RCAN2: variants seen among roughly 807,000 people sequenced by gnomAD.
RCAN2 encodes regulator of calcineurin 2.
RCAN2 carries 9 observed loss-of-function variants against 23.6 expected under a neutral mutation model. The observed-to-expected ratio is 0.38, with a 90% CI of 0.23 to 0.67. The LOEUF (loss-of-function observed/expected upper bound fraction) is 0.67, where lower values mean the gene tolerates loss of function less well. RCAN2 is among the 30% of genes least tolerant of loss of function. RCAN2 has a pLI of 0.51. For missense variants in RCAN2, 273 were observed against 302.3 expected (o/e 0.90, Z 0.72); for synonymous variants, 109 against 115.7 (o/e 0.94, Z 0.37).
At chr6:46,282,406 C>T (rs1376636030) in intron 2 of RCAN2, among the ~76,000 whole-genome samples, 1 of 151,820 alleles carries the variant, frequency 6.6e-6, no homozygotes, top group Non-Finnish European at 1.5e-5. Context: ...AAAAATTAGC[C>T]GGCTGTGGTG....
chr6:46,407,199 G>T (rs758183791), intron 2 of RCAN2, among the ~76,000 whole-genome samples: 37 of 152,186 alleles, frequency 2.4e-4, no homozygotes, highest in Non-Finnish European at 4.7e-4. Context: ...ATAAAAATCA[G>T]CACACAGAAA....
chr6:46,419,103 G>A (rs2150411339), intron 2 of RCAN2, among the ~76,000 whole-genome samples: 1 of 152,250 alleles, frequency 6.6e-6, no homozygotes, highest in South Asian at 2.1e-4. Context: ...GGCATATGGT[G>A]AAAATACGAC....
chr6:46,294,649 C>T (rs367666263), intron 2 of RCAN2, among the ~76,000 whole-genome samples: 19 of 152,032 alleles, frequency 1.2e-4, no homozygotes, highest in African/African-American at 3.6e-4. Flanking sequence ...TGGGATAATG[C>T]CTTATGTGTT....
intron 1 of RCAN2, among the ~76,000 whole-genome samples, chr6:46,458,009 T>A (rs1418368444): frequency 6.6e-6 from 1 of 152,220 alleles, no homozygotes; most frequent in Non-Finnish European, 1.5e-5. Context: ...ATGACTGTGA[T>A]ACTATTCTGC....
chr6:46,335,284 A>T (rs1328111541), intron 2 of RCAN2, among the ~76,000 whole-genome samples: 3 of 152,190 alleles, frequency 2.0e-5, no homozygotes, highest in African/African-American at 7.2e-5. Context: ...CCTCATTTTC[A>T]GTCACTTTGG....
At chr6:46,304,624 G>A (rs954684552) in intron 2 of RCAN2, among the ~76,000 whole-genome samples, 4 of 152,110 alleles carry the variant, frequency 2.6e-5, no homozygotes, top group African/African-American at 7.2e-5. Context: ...AAGATGTGGA[G>A]GGGTCGGAAT....
chr6:46,471,434 G>A (rs771820183), intron 1 of RCAN2, among the ~76,000 whole-genome samples: 18 of 152,288 alleles, frequency 1.2e-4, no homozygotes, highest in African/African-American at 3.8e-4. Context: ...TAATGTACAC[G>A]TGGTATTTGC....
intron 2 of RCAN2, among the ~76,000 whole-genome samples, chr6:46,306,341 C>T (rs752219771): frequency 5.9e-5 from 9 of 152,148 alleles, no homozygotes; most frequent in African/African-American, 1.2e-4. Flanking sequence ...GATGACCCAC[C>T]AGCACTTCTA....
At chr6:46,393,615 G>T (rs994791434) in intron 2 of RCAN2, among the ~76,000 whole-genome samples, 2 of 152,150 alleles carry the variant, frequency 1.3e-5, no homozygotes, top group African/African-American at 4.8e-5. Context: ...TATTACCAGA[G>T]AAATAAACAA....
intron 1 of RCAN2, among the ~76,000 whole-genome samples, chr6:46,479,739 T>C (rs973341313): frequency 3.9e-5 from 6 of 151,974 alleles, no homozygotes; most frequent in African/African-American, 2.4e-5. Flanking sequence ...CTCACCTCCA[T>C]GCCTGGCTAA....
chr6:46,423,347 C>A lies in RCAN2; in HGVS notation c.225+33405G>T, dbSNP rs542470664. 6.6e-5 allele frequency among the ~76,000 whole-genome samples: 10 copies of A among 152,270 alleles called. No homozygotes were observed. The East Asian group carries it at 1.7e-3, about 26-fold the overall frequency. On this transcript the variant is annotated intron_variant, in intron 2 of 4. Transcript: ENST00000371374. ...AACCCAGGACTCTAGATGGCCAATC[C>A]TATAGTGTTTGTATTTTACACTTTT...
At chr6:46,359,754 T>C (rs1764945689) in intron 2 of RCAN2, among the ~76,000 whole-genome samples, 1 of 152,198 alleles carries the variant, frequency 6.6e-6, no homozygotes, top group African/African-American at 2.4e-5. Flanking sequence ...AATATTAACA[T>C]GTATTAAGCA....
chr6:46,372,979 C>G (rs1016886772), intron 2 of RCAN2, among the ~76,000 whole-genome samples: 1 of 152,134 alleles, frequency 6.6e-6, no homozygotes, highest in South Asian at 2.1e-4. Flanking sequence ...AAATGACATT[C>G]GTAGTGAATA....
intron 2 of RCAN2, among the ~76,000 whole-genome samples, chr6:46,357,294 AC>A (rs1315505731): frequency 6.6e-6 from 1 of 152,226 alleles, no homozygotes; most frequent in Non-Finnish European, 1.5e-5. Context: ...CAGTAATCAG[AC>A]CCGATAGAAG....
chr6:46,250,942 A>G (rs1766691233), intron 2 of RCAN2, among the ~76,000 whole-genome samples: 5 of 152,050 alleles, frequency 3.3e-5, no homozygotes, highest in Admixed American at 1.3e-4. Context: ...CATTTCTGAG[A>G]ATCCCCAGGC....
At chr6:46,330,185 T>C (rs1280466435) in intron 2 of RCAN2, among the ~76,000 whole-genome samples, 1 of 152,230 alleles carries the variant, frequency 6.6e-6, no homozygotes, top group Non-Finnish European at 1.5e-5. Flanking sequence ...TCCTCTCTGC[T>C]AGTCACTCTC....
intron 2 of RCAN2, among the ~76,000 whole-genome samples, chr6:46,443,023 GA>G (rs200016884): frequency 4.6e-5 from 7 of 151,574 alleles, no homozygotes; most frequent in Non-Finnish European, 7.4e-5. Flanking sequence ...ACTGTTCAGG[GA>G]AAAAAAACAA....
chr6:46,374,922 T>C (rs776204543), intron 2 of RCAN2, among the ~76,000 whole-genome samples: 1 of 152,184 alleles, frequency 6.6e-6, no homozygotes, highest in Non-Finnish European at 1.5e-5. Context: ...ATTTATTGTT[T>C]TTGAAATGGT....
chr6:46,304,212 G>T (rs779723447), intron 2 of RCAN2, among the ~76,000 whole-genome samples: 13 of 151,998 alleles, frequency 8.6e-5, no homozygotes, highest in African/African-American at 3.1e-4. Flanking sequence ...TTGCCATTTG[G>T]ATATCTTCTC....
Sources: gnomAD v4.1 joint callset for allele counts (sites outside exome capture counted in the v4.1 genomes callset) on GRCh38, gnomAD v4.1.1 for gene constraint, MANE v1.5 for transcripts, NCBI Gene and HGNC (gene_info 2026-07-23, HGNC 2026-07-21) for gene names.